The following PLCXD3 variants were observed in gnomAD, a reference collection of about 807,000 sequenced individuals.
The protein encoded by PLCXD3 is phosphatidylinositol specific phospholipase C X domain containing 3, also known as PI-PLC X domain-containing protein 3.
In PLCXD3, 19 loss-of-function variants were observed where a neutral mutation model predicts 25.5. The ratio of observed to expected loss-of-function variants is 0.75; its 90% CI spans 0.52 to 1.09. PLCXD3 has a LOEUF of 1.09. Ranked by LOEUF, PLCXD3 falls within the 50% of genes least tolerant of loss-of-function variation. PLCXD3 has a pLI of 0.00. For missense variants in PLCXD3, 411 were observed against 388.1 expected (o/e 1.06, Z -0.50); for synonymous variants, 174 against 137.6 (o/e 1.26, Z -1.85).
chr5:41,461,217 A>C (rs888028315), intron 1 of PLCXD3, among the ~76,000 whole-genome samples: 3 of 152,002 alleles, frequency 2.0e-5, no homozygotes, highest in Admixed American at 1.3e-4. Context: ...CAACAGGGGT[A>C]CATCAGTGTA....
chr5:41,327,670 C>A (rs565609289), intron 2 of PLCXD3, among the ~76,000 whole-genome samples: 1 of 152,066 alleles, frequency 6.6e-6, no homozygotes, highest in Non-Finnish European at 1.5e-5. Context: ...ATTAAATTCC[C>A]TTTGAATTTG....
At chr5:41,343,084 A>C (rs1256564854) in intron 2 of PLCXD3, among the ~76,000 whole-genome samples, 1 of 152,154 alleles carries the variant, frequency 6.6e-6, no homozygotes, top group Non-Finnish European at 1.5e-5. Flanking sequence ...CATTATCATC[A>C]ACAAAACTGT....
intron 1 of PLCXD3, among the ~76,000 whole-genome samples, chr5:41,411,718 T>A (rs984719232): frequency 6.7e-6 from 1 of 149,304 alleles, no homozygotes; most frequent in African/African-American, 2.4e-5. Flanking sequence ...CTCCAAATAA[T>A]ATTTTTATAA....
At chr5:41,412,318 A>C (rs1746572923) in intron 1 of PLCXD3, among the ~76,000 whole-genome samples, 1 of 143,786 alleles carries the variant, frequency 7.0e-6, no homozygotes, top group Non-Finnish European at 1.5e-5. Context: ...GCTAATAAAT[A>C]CTTTAACAAT....
In PLCXD3 at chr5:41,313,392, C is replaced by A; in HGVS notation, c.*225G>T. On this transcript the variant is annotated 3_prime_UTR_variant, in exon 3 of 3. Transcript: ENST00000377801. The stretch of plus-strand genomic sequence containing the variant: ...ACTGGTCTTTTTTTTTTATTCCTAA[C>A]ACTAGAAGTAGATTTTGCTCATCAA... 1 of 455,870 alleles carries A rather than the reference C, an allele frequency of 2.2e-6. No individual in the cohort carries two copies. Among genetic ancestry groups the A allele is most frequent in the Non-Finnish European group, 3.8e-6 (1 of 260,830 alleles). The allele number at this position is 455,870 out of a possible 1,614,324, so 28.2% of individuals were successfully genotyped here.
intron 2 of PLCXD3, among the ~76,000 whole-genome samples, chr5:41,317,353 G>A (rs1389053002): frequency 6.6e-6 from 1 of 152,206 alleles, no homozygotes; most frequent in Non-Finnish European, 1.5e-5. Context: ...CAATACCTTA[G>A]TCTTTTCAAA....
At chr5:41,420,411 G>T (rs1437772889) in intron 1 of PLCXD3, among the ~76,000 whole-genome samples, 2 of 152,176 alleles carry the variant, frequency 1.3e-5, no homozygotes, top group Admixed American at 1.3e-4. Context: ...ATCTCTAGTG[G>T]CATAAATTCA....
chr5:41,378,758 G>A (rs73077915), intron 2 of PLCXD3, among the ~76,000 whole-genome samples: 10,392 of 152,088 alleles, frequency 0.068, 1,219 homozygotes, highest in African/African-American at 0.24. Context: ...GAGTTGTGTA[G>A]AATATAATGT....
intron 1 of PLCXD3, among the ~76,000 whole-genome samples, chr5:41,405,697 A>C (rs1286829103): frequency 6.6e-6 from 1 of 152,166 alleles, no homozygotes; most frequent in Non-Finnish European, 1.5e-5. Context: ...GATATGCTTC[A>C]AAAGTGAGAG....
At chr5:41,449,336 T>C (rs1747575607) in intron 1 of PLCXD3, among the ~76,000 whole-genome samples, 1 of 152,246 alleles carries the variant, frequency 6.6e-6, no homozygotes, top group Non-Finnish European at 1.5e-5. Flanking sequence ...AATGTAAAGC[T>C]GAAATTGTAA....
intron 1 of PLCXD3, among the ~76,000 whole-genome samples, chr5:41,404,068 A>G (rs959859073): frequency 6.6e-6 from 1 of 152,186 alleles, no homozygotes; most frequent in Non-Finnish European, 1.5e-5. Context: ...TTCCAAGCAA[A>G]TGACTCATAT....
At chr5:41,314,637 T>C (rs1263512598) in intron 2 of PLCXD3, among the ~76,000 whole-genome samples, 1 of 152,148 alleles carries the variant, frequency 6.6e-6, no homozygotes, top group African/African-American at 2.4e-5. Flanking sequence ...CATGTGGCTA[T>C]CTAGGGAAAG....
intron 1 of PLCXD3, among the ~76,000 whole-genome samples, chr5:41,390,240 C>T (rs1561256381): frequency 1.3e-5 from 2 of 152,048 alleles, no homozygotes. Context: ...CATTTGCATA[C>T]ATCACAATTA....
intron 1 of PLCXD3, among the ~76,000 whole-genome samples, chr5:41,490,733 T>C (rs318050): frequency 0.18 from 27,238 of 152,228 alleles, 2,639 homozygotes; most frequent in Middle Eastern, 0.23. Context: ...GAGGTGATTG[T>C]AGTATTCTCT....
intron 1 of PLCXD3, among the ~76,000 whole-genome samples, chr5:41,494,024 T>G (rs1376802384): frequency 6.6e-6 from 1 of 152,248 alleles, no homozygotes; most frequent in Non-Finnish European, 1.5e-5. Context: ...ACCCGTGTTC[T>G]GCGTTGCTCA....
chr5:41,385,251 TG>T (rs1320348985), intron 1 of PLCXD3, among the ~76,000 whole-genome samples: 16 of 152,240 alleles, frequency 1.1e-4, no homozygotes, highest in South Asian at 2.1e-4. Context: ...TCTGATATTT[TG>T]CTTCTACATT....
At chr5:41,350,375 G>T (rs1447588970) in intron 2 of PLCXD3, among the ~76,000 whole-genome samples, 4 of 151,878 alleles carry the variant, frequency 2.6e-5, no homozygotes, top group Non-Finnish European at 5.9e-5. Flanking sequence ...TTCTTTACTT[G>T]CCCTGTTTCT....
At chr5:41,339,161 C>T (rs1561237504) in intron 2 of PLCXD3, among the ~76,000 whole-genome samples, 1 of 151,994 alleles carries the variant, frequency 6.6e-6, no homozygotes, top group East Asian at 1.9e-4. Flanking sequence ...TATTCTTCTC[C>T]CTCTTTAGCT....
At chr5:41,392,303 C>T (rs776737119) in intron 1 of PLCXD3, among the ~76,000 whole-genome samples, 76 of 152,100 alleles carry the variant, frequency 5.0e-4, no homozygotes, top group Non-Finnish European at 8.2e-4. Context: ...TCTGTCACTT[C>T]ACCCCCAGCT....
Sources: gnomAD v4.1 joint callset for allele counts (sites outside exome capture counted in the v4.1 genomes callset) on GRCh38, gnomAD v4.1.1 for gene constraint, MANE v1.5 for transcripts, NCBI Gene and HGNC (gene_info 2026-07-23, HGNC 2026-07-21) for gene names.